The following RFTN1 variants were observed in gnomAD, a reference collection of about 807,000 sequenced individuals.
RFTN1 encodes the protein raftlin.
RFTN1 carries 26 observed loss-of-function variants against 46.5 expected under a neutral mutation model. The observed-to-expected ratio is 0.56, with a 90% CI of 0.41 to 0.78. The LOEUF (loss-of-function observed/expected upper bound fraction) is 0.78, where lower values mean the gene tolerates loss of function less well. Ranked by LOEUF, RFTN1 falls within the 30% of genes least tolerant of loss-of-function variation. The pLI, the probability that RFTN1 is intolerant of heterozygous loss-of-function variation, is 0.00. For synonymous variants in RFTN1, 261 were observed against 284.2 expected (o/e 0.92, Z 0.82); for missense variants, 693 against 718.7 (o/e 0.96, Z 0.41).
chr3:16,414,400 G>T (rs891900393), intron 3 of RFTN1, among the ~76,000 whole-genome samples: 1 of 151,772 alleles, frequency 6.6e-6, no homozygotes, highest in Non-Finnish European at 1.5e-5. Flanking sequence ...TGAGGTCAGG[G>T]GTTCGAGACC....
rs1181792591 is a variant in RFTN1 at position 16,460,701 on chromosome 3, G to C, written c.146-26664C>G. On this transcript the variant is annotated intron_variant, in intron 2 of 9. Transcript: ENST00000334133. This position sits in a 1 kb window ranked among gnomAD's most constrained non-coding sequence, Gnocchi z 4.8. ...TACAGATAACTAACGCAAGAGACAC[G>C]TGAGCAGACGTCACTTGAGCCTCAT... is the stretch of plus-strand genomic sequence containing the variant. Among the ~76,000 whole-genome samples the C allele has an allele frequency of 6.6e-6, 1 of 152,216 alleles. No homozygotes were observed. Among genetic ancestry groups the C allele is most frequent in the Admixed American group, 6.5e-5 (1 of 15,294 alleles).
chr3:16,511,787 A>G (rs760592246), intron 1 of RFTN1, among the ~76,000 whole-genome samples: 2 of 152,106 alleles, frequency 1.3e-5, no homozygotes, highest in African/African-American at 2.4e-5. Context: ...CAAGAGGGAG[A>G]AAAAGAACTC....
intron 2 of RFTN1, among the ~76,000 whole-genome samples, chr3:16,477,805 A>G (rs916396763): frequency 6.6e-6 from 1 of 152,238 alleles, no homozygotes; most frequent in Non-Finnish European, 1.5e-5. Flanking sequence ...TGACTTTCAC[A>G]GCTGAAAGCC....
intron 3 of RFTN1, chr3:16,416,001 GA>G (rs926306093): frequency 0.014 from 3,418 of 244,620 alleles, no homozygotes; most frequent in South Asian, 0.029. Context: ...TTGGCTCCTT[GA>G]AAAAAAAAAA....
At position 16,361,844 on chromosome 3, in the gene RFTN1, AGCCAGTTG is replaced by A. The variant is rs2125340817; in HGVS notation, c.1031-3805_1031-3798del. On this transcript the variant is annotated intron_variant, in intron 6 of 9. Coordinates refer to ENST00000334133, the MANE Select transcript of RFTN1 (RefSeq NM_015150.2). This position sits in a 1 kb window ranked among gnomAD's most constrained non-coding sequence, Gnocchi z 4.3. ...TACATTGAGAGGGCATGCCCCAGTT[AGCCAGTTG>A]GTTCTAGGGAGATGAAGGACAAATG... 6.6e-6 allele frequency among the ~76,000 whole-genome samples: 1 copy of A among 152,324 alleles called. No individual in the cohort carries two copies. Among genetic ancestry groups the A allele is most frequent in the Admixed American group, 6.5e-5 (1 of 15,306 alleles).
intron 7 of RFTN1, among the ~76,000 whole-genome samples, chr3:16,333,254 C>T (rs1472327789): frequency 6.6e-6 from 1 of 152,228 alleles, no homozygotes; most frequent in Non-Finnish European, 1.5e-5. Flanking sequence ...ACAAAAAGGA[C>T]ACTTGCTTTT....
chr3:16,359,123 G>T (rs1296017062), intron 6 of RFTN1, among the ~76,000 whole-genome samples: 1 of 151,996 alleles, frequency 6.6e-6, no homozygotes, highest in Admixed American at 6.6e-5. Context: ...TTTGTTTGGG[G>T]CATGGCTCCT....
intron 4 of RFTN1, among the ~76,000 whole-genome samples, chr3:16,392,484 G>A (rs989999906): frequency 1.3e-5 from 2 of 152,126 alleles, no homozygotes; most frequent in Admixed American, 6.5e-5. Context: ...AGTTCAACCT[G>A]TGCTGTAAAC....
rs1033419865 is a variant in RFTN1 at position 16,353,841 on chromosome 3, A to C, written c.1146+4091T>G. ...AGGAAGAGAGCCCTCACCAGAAACC[A>C]AACCCTCCCAGAACCTTGATCTTGG... On this transcript the variant is annotated intron_variant, in intron 7 of 9. Transcript: ENST00000334133. This position sits in a 1 kb window ranked among gnomAD's most constrained non-coding sequence, Gnocchi z 5.4. 6.6e-6 allele frequency among the ~76,000 whole-genome samples: 1 copy of C among 152,154 alleles called. No homozygotes were observed.
Position 16,377,701 on chromosome 3 carries a change from A to T in RFTN1, c.826+17T>A. ...GCTCTTTAAGTGGGTCAAAACTCCCATTGCTGACATACTTACTCCCTGAGA... is the reference window on the plus strand; with the variant it reads ...GCTCTTTAAGTGGGTCAAAACTCCCTTTGCTGACATACTTACTCCCTGAGA... On this transcript the variant is annotated intron_variant, in intron 5 of 9. Coordinates refer to ENST00000334133, the MANE Select transcript of RFTN1 (RefSeq NM_015150.2). 1 of 1,563,986 alleles carries T rather than the reference A, an allele frequency of 6.4e-7. No homozygotes were observed.
In RFTN1 at chr3:16,384,348, G is replaced by A. The variant is rs1266220398; in HGVS notation, c.442-6246C>T. On this transcript the variant is annotated intron_variant, in intron 4 of 9. Transcript: ENST00000334133. The surrounding 1 kb of genome is among the most constrained non-coding windows in gnomAD (Gnocchi z 4.7). ...AGATAGCACAGGGCAAGTTGATGGA[G>A]GTCTCTAAATCTAAACCTGACTAGG... Among the ~76,000 whole-genome samples, 1 of 152,188 alleles carries A rather than the reference G, an allele frequency of 6.6e-6. No individual in the cohort carries two copies. Among genetic ancestry groups the A allele is most frequent in the Admixed American group, 6.5e-5 (1 of 15,286 alleles).
rs1020821272 is a variant in RFTN1, at chr3:16,409,266, T to C, written c.441+109A>G. ...CTGCCAAAGGTTTAGGTCACAGCTC[T>C]TGCATGGCCTCTTGAGTGTGGCTGA... On this transcript the variant is annotated intron_variant, in intron 4 of 9. Transcript: ENST00000334133. 14 of 721,450 alleles carry C rather than the reference T, an allele frequency of 1.9e-5. No individual in the cohort carries two copies. The Admixed American group carries it at 2.0e-4, about 10-fold the overall frequency. The allele number at this position is 721,450 out of a possible 1,614,324, so 44.7% of individuals were successfully genotyped here. A position where few individuals can be genotyped will look rare whatever the true frequency, so the allele number is the denominator to read the frequency against.
At chr3:16,393,706 T>A (rs573234741) in intron 4 of RFTN1, among the ~76,000 whole-genome samples, 8 of 152,106 alleles carry the variant, frequency 5.3e-5, no homozygotes, top group African/African-American at 1.9e-4. Context: ...TCACCCAGGC[T>A]GTAGTGCAGT....
rs2073670275 is a variant in RFTN1, at chr3:16,374,578, T to G, written c.826+3140A>C. ...ATGATTGGCATCACACGCTTGGGTT[T>G]CTGGCTGACATTTCTAAGCATTTTA... On this transcript the variant is annotated intron_variant, in intron 5 of 9. Transcript: ENST00000334133. The surrounding 1 kb of genome is among the most constrained non-coding windows in gnomAD (Gnocchi z 5.4). 6.6e-6 allele frequency among the ~76,000 whole-genome samples: 1 copy of G among 152,222 alleles called. No individual in the cohort carries two copies. The highest frequency in any genetic ancestry group is 6.5e-5 in the Admixed American group (1 of 15,286).
intron 3 of RFTN1, among the ~76,000 whole-genome samples, chr3:16,417,852 C>A (rs775997141): frequency 6.6e-6 from 1 of 152,180 alleles, no homozygotes; most frequent in Non-Finnish European, 1.5e-5. Flanking sequence ...GGACTACAGG[C>A]GTGTACCACC....
Position 16,425,682 on chromosome 3 carries a change from C to T in RFTN1, c.332+8169G>A, listed in dbSNP as rs1452691151. ...GTGTGGATTGGAAAAAATTCTTTCC[C>T]CCAAGAGAAGGTGGCTTTACGCTGG... On this transcript the variant is annotated intron_variant, in intron 3 of 9. Transcript: ENST00000334133. This position sits in a 1 kb window ranked among gnomAD's most constrained non-coding sequence, Gnocchi z 4.3. Among the ~76,000 whole-genome samples the T allele has an allele frequency of 6.6e-6, 1 of 151,974 alleles. No homozygotes were observed. The highest frequency in any genetic ancestry group is 1.5e-5 in the Non-Finnish European group (1 of 68,004).
At chr3:16,396,448 T>A (rs2074471675) in intron 4 of RFTN1, among the ~76,000 whole-genome samples, 1 of 152,210 alleles carries the variant, frequency 6.6e-6, no homozygotes, top group Non-Finnish European at 1.5e-5. Flanking sequence ...AATTCCACAC[T>A]GTCAACAAAT....
intron 8 of RFTN1, among the ~76,000 whole-genome samples, chr3:16,325,575 G>GGGGA (rs1447166202): frequency 1.3e-5 from 2 of 152,180 alleles, no homozygotes; most frequent in Non-Finnish European, 2.9e-5. Flanking sequence ...GAAGACTTGG[G>GGGGA]TTCAAGTCTT....
In RFTN1 at chr3:16,428,445, A is replaced by G. The variant is rs1172651180; in HGVS notation, c.332+5406T>C. Among the ~76,000 whole-genome samples the G allele has an allele frequency of 6.6e-6, 1 of 152,230 alleles. No homozygotes were observed. The highest frequency in any genetic ancestry group is 1.5e-5 in the Non-Finnish European group (1 of 68,026). On this transcript the variant is annotated intron_variant, in intron 3 of 9. Coordinates refer to ENST00000334133, the MANE Select transcript of RFTN1 (RefSeq NM_015150.2). The surrounding 1 kb of genome is among the most constrained non-coding windows in gnomAD (Gnocchi z 4.7). ...AGTATTACATTTTATATGCACTTCAAAAGATTTTCAAGGGTAACTTTGATT... is the reference window on the plus strand; with the variant it reads ...AGTATTACATTTTATATGCACTTCAGAAGATTTTCAAGGGTAACTTTGATT...
Sources: gnomAD v4.1 joint callset for allele counts (sites outside exome capture counted in the v4.1 genomes callset) on GRCh38, gnomAD v4.1.1 for gene constraint, Gnocchi (gnomAD v3.1) non-coding constraint, MANE v1.5 for transcripts, NCBI Gene and HGNC (gene_info 2026-07-23, HGNC 2026-07-21) for gene names.